The following EHBP1 variants were observed in gnomAD, a reference collection of about 807,000 sequenced individuals.
The protein encoded by EHBP1 is EH domain-binding protein 1.
Under a neutral mutation model 144.0 loss-of-function variants are expected in EHBP1, and 55 were observed. The ratio of observed to expected loss-of-function variants is 0.38; its 90% CI spans 0.31 to 0.48. EHBP1 has a LOEUF of 0.48. EHBP1 is among the 20% of genes least tolerant of loss of function. The pLI is 0.98. For synonymous variants in EHBP1, 469 were observed against 472.7 expected (o/e 0.99, Z 0.10); for missense variants, 1,200 against 1,364.2 (o/e 0.88, Z 1.90).
chr2:62,823,086 T>G (rs1227590034), intron 5 of EHBP1, among the ~76,000 whole-genome samples: 3 of 152,116 alleles, frequency 2.0e-5, no homozygotes, highest in African/African-American at 4.8e-5. Flanking sequence ...GTAATCAGAT[T>G]CCTAGGTCCA....
intron 2 of EHBP1, among the ~76,000 whole-genome samples, chr2:62,731,352 G>A (rs963190914): frequency 2.0e-5 from 3 of 152,066 alleles, no homozygotes; most frequent in Non-Finnish European, 2.9e-5. Flanking sequence ...CCTATCACAC[G>A]CAAACAAATA....
chr2:62,681,206 G>A (rs1038721203), intron 1 of EHBP1, among the ~76,000 whole-genome samples: 10 of 150,442 alleles, frequency 6.6e-5, no homozygotes, highest in Middle Eastern at 3.2e-3. Flanking sequence ...CCAGCTACTC[G>A]GAGGCAGGAG....
At chr2:62,848,215 A>G (rs2048433523) in intron 7 of EHBP1, among the ~76,000 whole-genome samples, 1 of 151,818 alleles carries the variant, frequency 6.6e-6, no homozygotes, top group South Asian at 2.1e-4. Flanking sequence ...AGTAGCTGGG[A>G]CTGCAGGTGT....
At chr2:62,805,011 C>T (rs1329037847) in intron 5 of EHBP1, among the ~76,000 whole-genome samples, 2 of 152,080 alleles carry the variant, frequency 1.3e-5, no homozygotes, top group Non-Finnish European at 2.9e-5. Flanking sequence ...GTCTCTGGTG[C>T]CAGAAAGATT....
chr2:62,796,802 A>T (rs1321890317), intron 5 of EHBP1, among the ~76,000 whole-genome samples: 1 of 151,740 alleles, frequency 6.6e-6, no homozygotes, highest in African/African-American at 2.4e-5. Context: ...TTTTATCTTA[A>T]ACACCTCTTT....
chr2:62,789,782 A>G (rs571420791), intron 5 of EHBP1, among the ~76,000 whole-genome samples: 8 of 152,272 alleles, frequency 5.3e-5, no homozygotes, highest in Admixed American at 3.3e-4. Context: ...ATTTTATCCA[A>G]CCACCCACAC....
chr2:62,779,919 C>T (rs1161783035), intron 5 of EHBP1, among the ~76,000 whole-genome samples: 2 of 152,086 alleles, frequency 1.3e-5, no homozygotes, highest in Non-Finnish European at 2.9e-5. Context: ...AAACTTATTT[C>T]ATCAATTCTT....
At chr2:62,929,882 A>G (rs929939921) in intron 10 of EHBP1, among the ~76,000 whole-genome samples, 1 of 152,232 alleles carries the variant, frequency 6.6e-6, no homozygotes, top group Non-Finnish European at 1.5e-5. Context: ...ATGATACAAA[A>G]ACCAATCCGT....
chr2:62,881,026 G>GTATATA (rs141279676), intron 10 of EHBP1, among the ~76,000 whole-genome samples: 47 of 151,508 alleles, frequency 3.1e-4, no homozygotes, highest in Admixed American at 5.9e-4. Context: ...TGAAAATGTG[G>GTATATA]TATATATATA....
intron 7 of EHBP1, among the ~76,000 whole-genome samples, chr2:62,844,726 A>T (rs535132947): frequency 1.3e-5 from 2 of 152,296 alleles, no homozygotes; most frequent in African/African-American, 4.8e-5. Context: ...GAAGCAGTTT[A>T]CAGTAAGCAT....
At chr2:63,017,136 T>C (rs1363282271) in intron 19 of EHBP1, among the ~76,000 whole-genome samples, 1 of 152,158 alleles carries the variant, frequency 6.6e-6, no homozygotes, top group Non-Finnish European at 1.5e-5. Context: ...GAAATAAAAA[T>C]TGGAGTAAAG....
intron 6 of EHBP1, among the ~76,000 whole-genome samples, chr2:62,826,977 G>A (rs1224808795): frequency 6.6e-6 from 1 of 152,202 alleles, no homozygotes; most frequent in Non-Finnish European, 1.5e-5. Context: ...CCTACATGGA[G>A]TGGAAGATGA....
rs1353305691 is a variant in EHBP1, at chr2:62,853,889, C to T, written c.635-5280C>T. 7.2e-5 allele frequency among the ~76,000 whole-genome samples: 11 copies of T among 152,264 alleles called. No individual in the cohort carries two copies. The South Asian group carries it at 8.3e-4, about 12-fold the overall frequency. Reference sequence around the variant, plus strand: ...GAATGAGTAGTAATATTTTGGAAGGCGTCTTTTTTTCTGCACAGCAGGTCT... The same window carrying T: ...GAATGAGTAGTAATATTTTGGAAGGTGTCTTTTTTTCTGCACAGCAGGTCT... On this transcript the variant is annotated intron_variant, in intron 7 of 22. Transcript: ENST00000431489.
chr2:62,962,558 A>G (rs905016192), intron 14 of EHBP1, among the ~76,000 whole-genome samples: 4 of 152,220 alleles, frequency 2.6e-5, no homozygotes, highest in Non-Finnish European at 5.9e-5. Context: ...TGCTACCCAC[A>G]GTCCTTGGAA....
Position 62,979,249 on chromosome 2 carries a change from C to G in EHBP1, c.2522C>G (p.Ala841Gly). Residue 841 changes from alanine to glycine, a missense_variant, in exon 15 of 23, where the codon GCT becomes GGT. Physicochemically the swap from Ala to Gly is moderately conservative, Grantham distance 60. Coordinates refer to ENST00000431489, the MANE Select transcript of EHBP1 (RefSeq NM_001142616.3). ...AGAGCTCGTCAGCTAATAGCAGAAGCTCGATCTGGAGTGAAGATGTCAGAA... is the reference window on the plus strand; with the variant it reads ...AGAGCTCGTCAGCTAATAGCAGAAGGTCGATCTGGAGTGAAGATGTCAGAA... ...RERARQLIAE[A>G]RSGVKMSELP... 1 of 1,613,892 alleles carries G rather than the reference C, an allele frequency of 6.2e-7. No individual in the cohort carries two copies. Among genetic ancestry groups the G allele is most frequent in the Non-Finnish European group, 8.5e-7 (1 of 1,179,892 alleles).
chr2:63,037,326 A>G (rs756923690), intron 19 of EHBP1, among the ~76,000 whole-genome samples: 2 of 152,012 alleles, frequency 1.3e-5, no homozygotes, highest in Admixed American at 6.6e-5. Context: ...CGGTATGTTC[A>G]CGGAGAGTAA....
chr2:62,864,056 A>T (rs980286722), intron 8 of EHBP1, among the ~76,000 whole-genome samples: 1 of 152,002 alleles, frequency 6.6e-6, no homozygotes, highest in Non-Finnish European at 1.5e-5. Flanking sequence ...CATGTTGGCC[A>T]GGCTGGTCTT....
chr2:63,000,325 A>G (rs2059797266), intron 19 of EHBP1, among the ~76,000 whole-genome samples: 1 of 151,886 alleles, frequency 6.6e-6, no homozygotes, highest in Non-Finnish European at 1.5e-5. Flanking sequence ...TTGTTCAGTA[A>G]TCCTAAATCA....
At chr2:62,799,642 G>A (rs757665220) in intron 5 of EHBP1, among the ~76,000 whole-genome samples, 2 of 152,122 alleles carry the variant, frequency 1.3e-5, no homozygotes, top group African/African-American at 2.4e-5. Flanking sequence ...TTAAGTATTT[G>A]ATTATACTGG....
Sources: gnomAD v4.1 joint callset for allele counts (sites outside exome capture counted in the v4.1 genomes callset) on GRCh38, gnomAD v4.1.1 for gene constraint, MANE v1.5 for transcripts, NCBI Gene and HGNC (gene_info 2026-07-23, HGNC 2026-07-21) for gene names.